Variants in ITPR2 observed in about 807,000 individuals in gnomAD.
The protein encoded by ITPR2 is inositol 1,4,5-trisphosphate receptor type 2, also known as inositol 1,4,5-trisphosphate-gated calcium channel ITPR2.
Under a neutral mutation model 317.1 loss-of-function variants are expected in ITPR2, and 207 were observed. That is an observed-to-expected ratio of 0.65 (90% CI 0.58 to 0.73). The LOEUF (loss-of-function observed/expected upper bound fraction) is 0.73. Among genes scored for constraint, ITPR2 ranks in the 30% least tolerant of loss-of-function variants. The pLI is 0.00. For synonymous variants in ITPR2, 1,156 were observed against 1,149.1 expected, an observed-to-expected ratio of 1.01 and a Z score of -0.12; for missense variants, 2,613 against 3,284.0, an observed-to-expected ratio of 0.80 and a Z score of 4.99.
At chr12:26,802,606 T>C (rs756140660) in intron 1 of ITPR2, among the ~76,000 whole-genome samples, 2 of 10,640 alleles carry the variant, frequency 1.9e-4, no homozygotes, top group Non-Finnish European at 4.6e-4. Flanking sequence ...GATATAGATA[T>C]AGATATATAT....
At chr12:26,675,666 T>C (rs1383496104) in intron 13 of ITPR2, among the ~76,000 whole-genome samples, 3 of 152,086 alleles carry the variant, frequency 2.0e-5, no homozygotes, top group Non-Finnish European at 4.4e-5. Flanking sequence ...CTGCACATTG[T>C]GCACATGTAC....
intron 45 of ITPR2, among the ~76,000 whole-genome samples, chr12:26,464,300 C>T (rs1319303467): frequency 2.0e-5 from 3 of 152,150 alleles, no homozygotes; most frequent in African/African-American, 4.8e-5. Flanking sequence ...TGCAACTAGG[C>T]GGTCCCATCT....
intron 16 of ITPR2, among the ~76,000 whole-genome samples, chr12:26,658,714 T>A (rs750909865): frequency 6.6e-6 from 1 of 152,248 alleles, no homozygotes; most frequent in African/African-American, 2.4e-5. Flanking sequence ...CCTCGTATTC[T>A]ATTCCTATCA....
At chr12:26,426,040 G>A (rs553061077) in intron 49 of ITPR2, among the ~76,000 whole-genome samples, 54 of 152,248 alleles carry the variant, frequency 3.5e-4, no homozygotes, top group African/African-American at 1.3e-3. Context: ...AATGCAAATC[G>A]GTGAGTGTGA....
chr12:26,715,368 A>G lies in ITPR2; in HGVS notation c.786T>C (p.Ile262=). 1.2e-6 allele frequency: 2 copies of G among 1,613,746 alleles called. No individual in the cohort carries two copies. The highest frequency in any genetic ancestry group is 1.7e-6 in the Non-Finnish European group (2 of 1,179,720). The part of the protein sequence containing the change: ...TCDEYEKKQH[I]FLRTTLRQSA... The stretch of plus-strand genomic sequence containing the variant: ...ATTGGCGCAAGGTCGTACGAAGGAA[A>G]ATGTGCTGTTTTTTCTCATATTCAT... The change falls in exon 8 of 57, where the codon ATT becomes ATC. Residue 262 remains isoleucine, a synonymous_variant. Transcript: ENST00000381340.
intron 2 of ITPR2, among the ~76,000 whole-genome samples, chr12:26,751,069 G>C (rs17481320): frequency 0.16 from 24,529 of 152,022 alleles, 2,739 homozygotes; most frequent in Non-Finnish European, 0.24. Context: ...TTTCAGGGGA[G>C]TACCCAAACA....
At chr12:26,399,410 A>G (rs1252156872) in intron 53 of ITPR2, among the ~76,000 whole-genome samples, 1 of 152,248 alleles carries the variant, frequency 6.6e-6, no homozygotes, top group Non-Finnish European at 1.5e-5. Context: ...TGGGGAGCTA[A>G]GGAGGACCTA....
At chr12:26,818,796 T>C (rs1300383820) in intron 1 of ITPR2, among the ~76,000 whole-genome samples, 3 of 152,138 alleles carry the variant, frequency 2.0e-5, no homozygotes, top group African/African-American at 7.2e-5. Flanking sequence ...GAAATGCAAA[T>C]GTTTAAGTAG....
chr12:26,501,852 T>A (rs563954776), intron 37 of ITPR2, among the ~76,000 whole-genome samples: 2 of 152,220 alleles, frequency 1.3e-5, no homozygotes, highest in Admixed American at 1.3e-4. Flanking sequence ...TTTTCAGATA[T>A]GTGGAGTTGA....
At chr12:26,443,151 T>C (rs1565529518) in intron 46 of ITPR2, among the ~76,000 whole-genome samples, 1 of 152,194 alleles carries the variant, frequency 6.6e-6, no homozygotes, top group Non-Finnish European at 1.5e-5. Context: ...TCATGTTTAC[T>C]CCACTTGTGA....
At chr12:26,806,370 G>C (rs2137254213) in intron 1 of ITPR2, among the ~76,000 whole-genome samples, 1 of 151,348 alleles carries the variant, frequency 6.6e-6, no homozygotes, top group East Asian at 1.9e-4. Flanking sequence ...ATTTTTAATA[G>C]GAAAAAATAA....
intron 55 of ITPR2, among the ~76,000 whole-genome samples, chr12:26,348,564 G>C (rs1938378240): frequency 6.6e-6 from 1 of 152,222 alleles, no homozygotes. Context: ...AAAACAACTG[G>C]TTCTCACAGA....
chr12:26,468,695 A>G (rs1232807010), intron 45 of ITPR2, among the ~76,000 whole-genome samples: 1 of 152,158 alleles, frequency 6.6e-6, no homozygotes, highest in East Asian at 1.9e-4. Context: ...TTTTTAAATT[A>G]TAATACTTAA....
At chr12:26,787,093 A>G (rs531290525) in intron 2 of ITPR2, among the ~76,000 whole-genome samples, 16 of 152,354 alleles carry the variant, frequency 1.1e-4, no homozygotes, top group African/African-American at 3.6e-4. Flanking sequence ...ATGCAAAAGG[A>G]TGAGGCACTT....
At chr12:26,721,345 G>A (rs1480946533) in intron 5 of ITPR2, 3 of 611,292 alleles carry the variant, frequency 4.9e-6, no homozygotes, top group Admixed American at 2.2e-5. Flanking sequence ...CTTGCATCCT[G>A]TGGAATTGAA....
chr12:26,543,560 G>GGTCA (rs1944315828), intron 37 of ITPR2, among the ~76,000 whole-genome samples: 2 of 152,126 alleles, frequency 1.3e-5, no homozygotes, highest in African/African-American at 4.8e-5. Context: ...GATTGCTTGA[G>GGTCA]GTCAGGAGTT....
rs1207553339 is a variant in ITPR2, at chr12:26,474,495, C to T, written c.6342+801G>A. Among the ~76,000 whole-genome samples, 3 of 152,128 alleles carry T rather than the reference C, an allele frequency of 2.0e-5. No homozygotes were observed. In the East Asian group the frequency reaches 5.8e-4, roughly 29 times the overall value. On this transcript the variant is annotated intron_variant, in intron 45 of 56. Transcript: ENST00000381340. ...TTAAGTTATAAAATGGAAACAGTTC[C>T]TTCAAAAGAATTTAAAGGCCGGGCG...
chr12:26,716,277 G>T (rs1410074548), intron 5 of ITPR2, 35 bp from the exon 6 acceptor site: 1 of 1,338,368 alleles, frequency 7.5e-7, no homozygotes, highest in Non-Finnish European at 1.1e-6. Context: ...TTGAGACACT[G>T]CATGGATCTT....
At chr12:26,696,139 C>CA (rs984373621) in intron 9 of ITPR2, among the ~76,000 whole-genome samples, 2 of 152,098 alleles carry the variant, frequency 1.3e-5, no homozygotes, top group East Asian at 1.9e-4. Flanking sequence ...ACTACTGAAA[C>CA]AAACAAACAC....
Sources: gnomAD v4.1 joint callset for allele counts (sites outside exome capture counted in the v4.1 genomes callset) on GRCh38, gnomAD v4.1.1 for gene constraint, MANE v1.5 for transcripts, NCBI Gene and HGNC (gene_info 2026-07-23, HGNC 2026-07-21) for gene names.